The following EDIL3 variants were observed in gnomAD, a reference collection of about 807,000 sequenced individuals.
EDIL3 encodes EGF-like repeat and discoidin I-like domain-containing protein 3.
Under a neutral mutation model 67.4 loss-of-function variants are expected in EDIL3, and 37 were observed. The ratio of observed to expected loss-of-function variants is 0.55; its 90% CI spans 0.42 to 0.72. EDIL3 has a LOEUF of 0.72. Among genes scored for constraint, EDIL3 ranks in the 30% least tolerant of loss-of-function variants. The pLI is 0.00. For missense variants in EDIL3, 527 were observed against 586.3 expected (o/e 0.90, Z 1.04); for synonymous variants, 195 against 196.3 (o/e 0.99, Z 0.05).
At chr5:83,953,059 G>A (rs1285227775) in intron 10 of EDIL3, among the ~76,000 whole-genome samples, 4 of 151,724 alleles carry the variant, frequency 2.6e-5, no homozygotes, top group South Asian at 2.1e-4. Flanking sequence ...AGGTGTGAGC[G>A]TAAGCATGTA....
intron 10 of EDIL3, among the ~76,000 whole-genome samples, chr5:83,947,827 A>T (rs1404435972): frequency 6.6e-6 from 1 of 151,878 alleles, no homozygotes; most frequent in Non-Finnish European, 1.5e-5. Flanking sequence ...GACATACTTA[A>T]CAATAATTGA....
intron 1 of EDIL3, among the ~76,000 whole-genome samples, chr5:84,318,707 G>A (rs1217763093): frequency 2.0e-5 from 3 of 152,096 alleles, no homozygotes; most frequent in Non-Finnish European, 4.4e-5. Flanking sequence ...AAAAACCCTA[G>A]AAGAAAACCT....
At chr5:84,164,643 T>C (rs938145278) in intron 4 of EDIL3, among the ~76,000 whole-genome samples, 3 of 152,098 alleles carry the variant, frequency 2.0e-5, no homozygotes. Context: ...AACAAGTGTT[T>C]AGTGTGCTCT....
At chr5:84,093,025 G>T (rs117219885) in intron 6 of EDIL3, among the ~76,000 whole-genome samples, 1 of 152,104 alleles carries the variant, frequency 6.6e-6, no homozygotes, top group Non-Finnish European at 1.5e-5. Flanking sequence ...GGCACTCCCC[G>T]TATAAATATA....
intron 3 of EDIL3, among the ~76,000 whole-genome samples, chr5:84,215,838 G>A (rs1216252006): frequency 6.6e-6 from 1 of 152,210 alleles, no homozygotes; most frequent in Non-Finnish European, 1.5e-5. Flanking sequence ...GGTGGCAGCA[G>A]TAGAAACTGA....
intron 3 of EDIL3, among the ~76,000 whole-genome samples, chr5:84,221,404 C>A (rs1441550729): frequency 6.6e-6 from 1 of 152,060 alleles, no homozygotes; most frequent in South Asian, 2.1e-4. Context: ...ATACAATTTT[C>A]CAAAGTGCCT....
At chr5:84,073,492 G>C (rs371243977) in intron 6 of EDIL3, among the ~76,000 whole-genome samples, 1 of 151,976 alleles carries the variant, frequency 6.6e-6, no homozygotes, top group African/African-American at 2.4e-5. Context: ...AAGCAACTTC[G>C]GCAAAGTCTC....
chr5:84,284,977 G>A (rs1403543842), intron 1 of EDIL3, among the ~76,000 whole-genome samples: 1 of 152,090 alleles, frequency 6.6e-6, no homozygotes, highest in Non-Finnish European at 1.5e-5. Flanking sequence ...GTGATGGGTT[G>A]AAGTTTAGTT....
chr5:84,281,855 C>CTTTTTTTTTTT (rs10708663), intron 1 of EDIL3, among the ~76,000 whole-genome samples: 4 of 72,574 alleles, frequency 5.5e-5, no homozygotes, highest in East Asian at 4.7e-4. Flanking sequence ...TTTTATTTCA[C>CTTTTTTTTTTT]TTTTTTTTTT....
intron 6 of EDIL3, among the ~76,000 whole-genome samples, chr5:84,096,365 T>C (rs1343975969): frequency 1.3e-5 from 2 of 152,184 alleles, no homozygotes; most frequent in African/African-American, 4.8e-5. Context: ...CCCAAGACCA[T>C]GGGAACCCAC....
intron 1 of EDIL3, among the ~76,000 whole-genome samples, chr5:84,277,543 C>T (rs571952418): frequency 2.6e-5 from 4 of 152,278 alleles, no homozygotes; most frequent in East Asian, 3.9e-4. Flanking sequence ...TGTGTAGCTA[C>T]ACCAGTTGTT....
At chr5:84,075,117 C>T (rs556763812) in intron 6 of EDIL3, among the ~76,000 whole-genome samples, 17 of 151,622 alleles carry the variant, frequency 1.1e-4, no homozygotes, top group Middle Eastern at 3.4e-3. Context: ...CCAAACACCG[C>T]ATGTTCTCAC....
At chr5:84,214,959 A>G (rs1406786021) in intron 3 of EDIL3, among the ~76,000 whole-genome samples, 1 of 152,088 alleles carries the variant, frequency 6.6e-6, no homozygotes, top group Non-Finnish European at 1.5e-5. Flanking sequence ...AGTTCAGGCA[A>G]TCTGCCCACC....
At position 84,356,344 on chromosome 5, in the gene EDIL3, G is replaced by A. The variant is rs142967526; in HGVS notation, c.67+27964C>T. ...CCAACCACATTAAAAGAACGGCCAG[G>A]ATTATCTAAGTGGGGAACATGCTTT... is the stretch of plus-strand genomic sequence containing the variant. On this transcript the variant is annotated intron_variant, in intron 1 of 10. Transcript: ENST00000296591. Among the ~76,000 whole-genome samples the A allele has an allele frequency of 1.9e-4, 29 of 152,334 alleles. No homozygotes were observed. In the East Asian group the frequency reaches 4.8e-3, roughly 25 times the overall value.
At chr5:84,361,812 A>T (rs902888278) in intron 1 of EDIL3, among the ~76,000 whole-genome samples, 1 of 152,006 alleles carries the variant, frequency 6.6e-6, no homozygotes, top group Non-Finnish European at 1.5e-5. Context: ...TTTATAACTT[A>T]CTTTGTGTTT....
At chr5:84,068,219 T>C (rs1454471095) in intron 6 of EDIL3, among the ~76,000 whole-genome samples, 1 of 152,222 alleles carries the variant, frequency 6.6e-6, no homozygotes, top group Non-Finnish European at 1.5e-5. Flanking sequence ...TCTTTCATTA[T>C]CTTATGCATG....
intron 1 of EDIL3, among the ~76,000 whole-genome samples, chr5:84,262,659 G>GTTTTTTTTTTTTTTGTTTTTTTTTT (rs1745251582): frequency 2.2e-5 from 1 of 46,310 alleles, no homozygotes; most frequent in Non-Finnish European, 3.6e-5. Flanking sequence ...AGGTTGGTTG[G>GTTTTTTTTTTTTTTGTTTTTTTTTT]TTTTTTTTTT....
At chr5:83,990,485 C>CAAA (rs555170904) in intron 9 of EDIL3, among the ~76,000 whole-genome samples, 3 of 99,258 alleles carry the variant, frequency 3.0e-5, no homozygotes, top group Non-Finnish European at 6.0e-5. Flanking sequence ...GACTCCATCA[C>CAAA]AAAAAAAAAA....
At chr5:84,082,411 G>T (rs2112259607) in intron 6 of EDIL3, among the ~76,000 whole-genome samples, 1 of 152,302 alleles carries the variant, frequency 6.6e-6, no homozygotes, top group Non-Finnish European at 1.5e-5. Flanking sequence ...ACACTCTAGT[G>T]TAAAGGGCGA....
Sources: allele counts gnomAD v4.1 joint callset (sites outside exome capture counted in the v4.1 genomes callset), GRCh38; gene constraint gnomAD v4.1.1; transcripts MANE v1.5; gene names NCBI Gene and HGNC (gene_info 2026-07-23, HGNC 2026-07-21).